EML5: variants seen among roughly 807,000 people sequenced by gnomAD.
The protein encoded by EML5 is EMAP like 5.
In EML5, 120 loss-of-function variants were observed where a neutral mutation model predicts 250.0. That is an observed-to-expected ratio of 0.48 (90% CI 0.41 to 0.56). The LOEUF (loss-of-function observed/expected upper bound fraction) is 0.56. Ranked by LOEUF, EML5 falls within the 20% of genes least tolerant of loss-of-function variation. The probability of loss-of-function intolerance (pLI) is 0.00; values close to 1 mark genes in which losing one functional copy is unlikely to be tolerated. For missense variants in EML5, 2,006 were observed against 2,437.6 expected (o/e 0.82, Z 3.73); for synonymous variants, 771 against 806.5 (o/e 0.96, Z 0.75).
In EML5 at chr14:88,741,839, TTTA is replaced by T. The variant is rs1174587815; in HGVS notation, c.526-1270_526-1268del. Among the ~76,000 whole-genome samples, 29 of 152,300 alleles carry T rather than the reference TTTA, an allele frequency of 1.9e-4. 1 individual carries two copies. Among genetic ancestry groups the T allele is most frequent in the African/African-American group, 6.5e-4 (27 of 41,572 alleles). On this transcript the variant is annotated intron_variant, in intron 4 of 43. Coordinates refer to ENST00000554922, the MANE Select transcript of EML5 (RefSeq NM_183387.3). ...AATAAGTAATTAACATTTAAAATAA[TTTA>T]TTATCATATATTCTTATTTTAAAAT...
chr14:88,676,799 GGAATA>G (rs1316219458), intron 21 of EML5, among the ~76,000 whole-genome samples: 2 of 151,982 alleles, frequency 1.3e-5, no homozygotes, highest in Non-Finnish European at 2.9e-5. Flanking sequence ...ATAGACCAAG[GGAATA>G]GAATAGAGAT....
chr14:88,687,422 C>G (rs1595523331), intron 18 of EML5, 95 bp from the exon 19 acceptor site: 1 of 860,186 alleles, frequency 1.2e-6, no homozygotes, highest in African/African-American at 1.7e-5. Flanking sequence ...GAAAAAAGAA[C>G]ATAGTCAAAA....
chr14:88,788,447 C>G (rs776109178), intron 1 of EML5, among the ~76,000 whole-genome samples: 12 of 151,974 alleles, frequency 7.9e-5, no homozygotes, highest in Non-Finnish European at 1.6e-4. Context: ...TTTTAACCTG[C>G]AACCATATAG....
intron 12 of EML5, among the ~76,000 whole-genome samples, 185 bp downstream of exon 12, chr14:88,705,297 C>T (rs538389065): frequency 1.3e-5 from 2 of 151,862 alleles, no homozygotes; most frequent in East Asian, 3.9e-4. Context: ...CTTAATATAC[C>T]AAGCATTTAA....
chr14:88,745,558 C>T (rs567241908), intron 3 of EML5, among the ~76,000 whole-genome samples: 1 of 151,930 alleles, frequency 6.6e-6, no homozygotes. Flanking sequence ...ATTTTAAATC[C>T]ACACAAGCAA....
In EML5 at chr14:88,696,938, G is replaced by C. The variant is rs374580747; in HGVS notation, c.2253C>G (p.Pro751=). Residue 751 remains proline, a synonymous_variant, in exon 15 of 44, where the codon CCC becomes CCG. Coordinates refer to ENST00000554922, the MANE Select transcript of EML5 (RefSeq NM_183387.3). ...TCTCTGTATCCCATATATGAATTGAGGGATCTCTACCAACCTAAAATAGAA... is the reference window on the plus strand; with the variant it reads ...TCTCTGTATCCCATATATGAATTGACGGATCTCTACCAACCTAAAATAGAA... The part of the protein sequence containing the change: ...YVATGQVGRD[P]SIHIWDTETI... 12 of 1,591,224 alleles carry C rather than the reference G, an allele frequency of 7.5e-6. No homozygotes were observed. In the African/African-American group the frequency reaches 1.6e-4, roughly 22 times the overall value.
In EML5 at chr14:88,744,068, CA is replaced by C; in HGVS notation, c.479del (p.Leu160CysfsTer12). 6.4e-7 allele frequency: 1 copy of C among 1,572,358 alleles called. No homozygotes were observed. The highest frequency in any genetic ancestry group is 1.2e-5 in the South Asian group (1 of 85,202). On this transcript the variant is annotated frameshift_variant, in exon 4 of 44. Transcript: ENST00000554922. LOFTEE classifies it high-confidence loss of function. ...AGCTGACAAGTTTATTTGGCTGGTA[CA>C]AATCCCAAGAAATATCAAATATCTG... Reference protein sequence around the residue: ...TDRIFDISWDLYQPNKLVSCG... With the variant: ...TDRIFDISWDXYQPNKLVSCG...
chr14:88,678,523 C>G (rs890083533), intron 21 of EML5, among the ~76,000 whole-genome samples: 1 of 152,060 alleles, frequency 6.6e-6, no homozygotes, highest in African/African-American at 2.4e-5. Flanking sequence ...ACCTCCTAGA[C>G]AAAACTGGAA....
chr14:88,752,766 T>C (rs1006035989), intron 2 of EML5, among the ~76,000 whole-genome samples: 1 of 152,088 alleles, frequency 6.6e-6, no homozygotes, highest in East Asian at 1.9e-4. Flanking sequence ...ACCCCAACCC[T>C]GTACCCATAA....
chr14:88,629,929 C>T (rs2090332882), intron 33 of EML5, among the ~76,000 whole-genome samples: 6 of 151,004 alleles, frequency 4.0e-5, no homozygotes, highest in Admixed American at 4.0e-4. Context: ...ATAAGTGTCT[C>T]TTTAAATTTT....
In EML5 at chr14:88,616,214, G is replaced by A. The variant is rs764413285; in HGVS notation, c.5825C>T (p.Ser1942Leu). 7 of 1,613,864 alleles carry A rather than the reference G, an allele frequency of 4.3e-6. No homozygotes were observed. The Admixed American group carries it at 5.0e-5, about 12-fold the overall frequency. Residue 1942 changes from serine to leucine, a missense_variant, in exon 43 of 44, where the codon TCG (serine) becomes TTG (leucine). Transcript: ENST00000554922. ...AAATCGAATATTTGTCACATGGGGC[G>A]AATGACCCAAGAACCTTTTGTGTTT... is the stretch of plus-strand genomic sequence containing the variant. Reference protein sequence around the residue: ...FAKHKRFLGHSPHVTNIRFTS... With the variant: ...FAKHKRFLGHLPHVTNIRFTS...
intron 1 of EML5, among the ~76,000 whole-genome samples, chr14:88,785,424 C>G (rs2094541685): frequency 6.6e-6 from 1 of 152,134 alleles, no homozygotes; most frequent in South Asian, 2.1e-4. Flanking sequence ...TTGCCTGTAT[C>G]AAAACATCTC....
intron 25 of EML5, among the ~76,000 whole-genome samples, chr14:88,660,552 C>T (rs2092051778): frequency 6.6e-6 from 1 of 151,794 alleles, no homozygotes; most frequent in African/African-American, 2.4e-5. Flanking sequence ...ACCAGCCTGA[C>T]CAACATGGTA....
At chr14:88,629,952 AC>A (rs2090334675) in intron 33 of EML5, among the ~76,000 whole-genome samples, 1 of 151,838 alleles carries the variant, frequency 6.6e-6, no homozygotes, top group Non-Finnish European at 1.5e-5. Context: ...ATTGGGTCTT[AC>A]AAGAATCAAA....
At chr14:88,640,890 C>T (rs1357740075) in intron 31 of EML5, among the ~76,000 whole-genome samples, 1 of 151,904 alleles carries the variant, frequency 6.6e-6, no homozygotes, top group African/African-American at 2.4e-5. Context: ...ACCAATCCCA[C>T]AAGAACACAA....
chr14:88,717,461 C>T (rs955025353), intron 8 of EML5, among the ~76,000 whole-genome samples: 3 of 152,012 alleles, frequency 2.0e-5, no homozygotes, highest in Non-Finnish European at 4.4e-5. Context: ...TTGGTTCCAA[C>T]GTAAAAAACA....
Position 88,657,414 on chromosome 14 carries a change from C to T in EML5, c.3966G>A (p.Lys1322=), listed in dbSNP as rs760498097. Reference sequence around the variant, plus strand: ...AGGGTTCTTTTTGTTGTAAATGAGGCTTGATTCCTAACATTGGGCGAATAT... The same window carrying T: ...AGGGTTCTTTTTGTTGTAAATGAGGTTTGATTCCTAACATTGGGCGAATAT... ...STNIRPMLGI[K]PHLQQKEPSI... is the part of the protein sequence containing the mutation. The change falls in exon 27 of 44, where the codon AAG becomes AAA. Residue 1322 remains lysine, a synonymous_variant. Transcript: ENST00000554922. The T allele has an allele frequency of 3.2e-5, 51 of 1,592,878 alleles. No individual in the cohort carries two copies. Among genetic ancestry groups the T allele is most frequent in the East Asian group, 2.2e-5 (1 of 44,446 alleles).
chr14:88,629,653 T>C (rs1297168161), intron 33 of EML5, among the ~76,000 whole-genome samples: 8 of 152,228 alleles, frequency 5.3e-5, no homozygotes, highest in Admixed American at 1.3e-4. Context: ...TAAGTACCTA[T>C]CATGGCAGGC....
At chr14:88,666,386 C>T (rs558575420) in intron 21 of EML5, among the ~76,000 whole-genome samples, 2 of 152,242 alleles carry the variant, frequency 1.3e-5, no homozygotes, top group East Asian at 3.9e-4. Context: ...GCCACCAGGC[C>T]TGGCTACTTT....
Sources: allele counts gnomAD v4.1 joint callset (sites outside exome capture counted in the v4.1 genomes callset), GRCh38; gene constraint gnomAD v4.1.1; transcripts MANE v1.5; gene names NCBI Gene and HGNC (gene_info 2026-07-23, HGNC 2026-07-21).